The following PARP8 variants were observed in gnomAD, a reference collection of about 807,000 sequenced individuals.
PARP8 encodes the protein protein mono-ADP-ribosyltransferase PARP8.
In PARP8, 51 loss-of-function variants were observed where a neutral mutation model predicts 124.1. The observed-to-expected ratio is 0.41, with a 90% CI of 0.33 to 0.52. The LOEUF is 0.52. Ranked by LOEUF, PARP8 falls within the 20% of genes least tolerant of loss-of-function variation. PARP8 has a pLI of 0.21. For synonymous variants in PARP8, 391 were observed against 361.5 expected (o/e 1.08, Z -0.93); for missense variants, 860 against 1,018.9 (o/e 0.84, Z 2.12).
rs768072385 is a variant in PARP8 at position 50,821,266 on chromosome 5, A to T, written c.1722A>T (p.Lys574Asn). ...MCRSALESPR[K>N]VVIFEPYPSV... ...GGTCTGCGTTGGAATCTCCTAGAAAAGTTGTGATTTTCGAGCCATATCCTT... is the reference window on the plus strand; with the variant it reads ...GGTCTGCGTTGGAATCTCCTAGAAATGTTGTGATTTTCGAGCCATATCCTT... The change falls in exon 16 of 26, where the codon AAA (lysine) becomes AAT (asparagine). Residue 574 changes from lysine (K) to asparagine (N), a missense_variant. Physicochemically the swap from Lys to Asn is moderately conservative, Grantham distance 94. Transcript: ENST00000281631. 1 of 1,613,816 alleles carries T rather than the reference A, an allele frequency of 6.2e-7. No homozygotes were observed. The highest frequency in any genetic ancestry group is 8.5e-7 in the Non-Finnish European group (1 of 1,179,894).
In PARP8 at chr5:50,841,975, C is replaced by T. The variant is rs750885296; in HGVS notation, c.2472C>T (p.Asp824=). The T allele has an allele frequency of 1.9e-5, 30 of 1,590,844 alleles. No homozygotes were observed. The highest frequency in any genetic ancestry group is 4.6e-5 in the South Asian group (4 of 87,792). Residue 824 remains aspartate (D), a synonymous_variant, in exon 26 of 26, where the codon GAC becomes GAT. Transcript: ENST00000281631. ...ATGTTTTGTATTTCAGCTATGAAGA[C>T]GGCCAAGTGGGAGATGCAAATATTA... The part of the protein sequence containing the change: ...VCTRFFFVYE[D]GQVGDANINT...
intron 6 of PARP8, among the ~76,000 whole-genome samples, chr5:50,762,448 A>G (rs773247947): frequency 6.6e-6 from 1 of 152,178 alleles, no homozygotes; most frequent in Non-Finnish European, 1.5e-5. Context: ...TTTCAGGATA[A>G]TGTTAAAATT....
intron 2 of PARP8, chr5:50,738,924 C>T: frequency 1.4e-6 from 1 of 699,322 alleles, no homozygotes; most frequent in East Asian, 2.7e-5. Flanking sequence ...TAGTTTACAT[C>T]AGGGCTCTGC....
At chr5:50,802,496 A>C (rs983733246) in intron 14 of PARP8, among the ~76,000 whole-genome samples, 1 of 151,984 alleles carries the variant, frequency 6.6e-6, no homozygotes, top group Non-Finnish European at 1.5e-5. Flanking sequence ...TCTTTAAAAA[A>C]GTTTTTTGTA....
chr5:50,676,410 A>G (rs1750645362), intron 2 of PARP8, among the ~76,000 whole-genome samples: 1 of 151,908 alleles, frequency 6.6e-6, no homozygotes, highest in Non-Finnish European at 1.5e-5. Flanking sequence ...TGGTTCTCTC[A>G]CTCTCTCACT....
At chr5:50,833,876 TG>T in intron 23 of PARP8, 102 bp from the exon 24 acceptor site, 1 of 788,010 alleles carries the variant, frequency 1.3e-6, no homozygotes, top group Non-Finnish European at 2.1e-6. Context: ...TTTTTTTTTT[TG>T]ACCTGGAGCC....
intron 17 of PARP8, among the ~76,000 whole-genome samples, chr5:50,822,840 G>C (rs1197049471): frequency 6.6e-6 from 1 of 152,118 alleles, no homozygotes; most frequent in Non-Finnish European, 1.5e-5. Context: ...AAGATGCCAG[G>C]CTCCCGGAGA....
intron 7 of PARP8, among the ~76,000 whole-genome samples, chr5:50,773,480 G>T (rs899947356): frequency 6.6e-6 from 1 of 152,172 alleles, no homozygotes; most frequent in Non-Finnish European, 1.5e-5. Flanking sequence ...TCAGTTGGTT[G>T]TAAGTGTATG....
intron 10 of PARP8, among the ~76,000 whole-genome samples, chr5:50,790,832 A>G (rs1386589020): frequency 1.3e-5 from 2 of 152,148 alleles, no homozygotes; most frequent in Non-Finnish European, 2.9e-5. Context: ...TTTAGGGATA[A>G]ATATTAGCTA....
chr5:50,715,172 A>C (rs892523595), intron 2 of PARP8, among the ~76,000 whole-genome samples: 1 of 152,038 alleles, frequency 6.6e-6, no homozygotes, highest in African/African-American at 2.4e-5. Flanking sequence ...GCAAACAGTA[A>C]CGTAAATTCA....
chr5:50,823,436 A>C (rs942582393), intron 17 of PARP8, among the ~76,000 whole-genome samples: 1 of 152,204 alleles, frequency 6.6e-6, no homozygotes, highest in Non-Finnish European at 1.5e-5. Flanking sequence ...TTTAATTCAC[A>C]AATGTTATTA....
rs531251740 is a variant in PARP8, at chr5:50,830,263, A to G, written c.2233+302A>G. Among the ~76,000 whole-genome samples, 10 of 152,342 alleles carry G rather than the reference A, an allele frequency of 6.6e-5. No individual in the cohort carries two copies. The South Asian group carries it at 2.1e-3, about 32-fold the overall frequency. ...ATGCAAAGCACTATGTAGGGCACTG[A>G]GAAGTACACATACATAATATCTTTA... On this transcript the variant is annotated intron_variant, in intron 22 of 25. Transcript: ENST00000281631.
Position 50,778,055 on chromosome 5 carries a change from AT to A in PARP8, c.519-9del. Reference sequence around the variant, plus strand: ...CATTAAAATGAAAAAAACAGTGTTAATTTTTGCTTTCAGGGAATATGGAGCC... The same window carrying A: ...CATTAAAATGAAAAAAACAGTGTTAATTTTGCTTTCAGGGAATATGGAGCC... On this transcript the variant is annotated splice_polypyrimidine_tract_variant and intron_variant, in intron 7 of 25. Transcript: ENST00000281631. 1 of 1,595,224 alleles carries A rather than the reference AT, an allele frequency of 6.3e-7. No individual in the cohort carries two copies. Among genetic ancestry groups the A allele is most frequent in the Non-Finnish European group, 8.5e-7 (1 of 1,170,900 alleles).
chr5:50,832,193 A>C (rs1440359406), intron 22 of PARP8, among the ~76,000 whole-genome samples: 2 of 152,214 alleles, frequency 1.3e-5, no homozygotes, highest in African/African-American at 4.8e-5. Context: ...ACTTTCTAAT[A>C]AAGTGTAGAT....
At position 50,778,567 on chromosome 5, in the gene PARP8, T is replaced by G. The variant is rs769973696; in HGVS notation, c.587T>G (p.Ile196Ser). 6.2e-7 allele frequency: 1 copy of G among 1,606,636 alleles called. No individual in the cohort carries two copies. Among genetic ancestry groups the G allele is most frequent in the Non-Finnish European group, 8.5e-7 (1 of 1,176,556 alleles). The change falls in exon 9 of 26, where the codon ATT (isoleucine) becomes AGT (serine). Residue 196 changes from isoleucine to serine, a missense_variant. Coordinates refer to ENST00000281631, the MANE Select transcript of PARP8 (RefSeq NM_024615.4). ...TTAAATATATTTGTGCAGGAGGAGA[T>G]TGCTGTGGCTTGGGAAGTAATTCGA... ...HIDVSFLDEE[I>S]AVAWEVIRTE...
At chr5:50,821,484 T>A in intron 16 of PARP8, 146 bp downstream of exon 16, 1 of 909,892 alleles carries the variant, frequency 1.1e-6, no homozygotes, top group Admixed American at 2.7e-5. Context: ...TCATCATATA[T>A]TTTTGGGGAT....
intron 2 of PARP8, among the ~76,000 whole-genome samples, chr5:50,746,127 T>C (rs1758517518): frequency 6.6e-6 from 1 of 152,232 alleles, no homozygotes; most frequent in Non-Finnish European, 1.5e-5. Context: ...AAATATTAGC[T>C]ATCAGAGTAT....
rs540887131 is a variant in PARP8, at chr5:50,667,799, G to C, written c.92-272G>C. On this transcript the variant is annotated intron_variant, in intron 1 of 25. Coordinates refer to ENST00000281631, the MANE Select transcript of PARP8 (RefSeq NM_024615.4). The stretch of plus-strand genomic sequence containing the variant: ...ATTTTGCTTTCGCTACCGCGAGCCC[G>C]GCTGAGGCTGCTTCCGGCCTCCCCT... 6.2e-6 allele frequency: 6 copies of C among 971,372 alleles called. No homozygotes were observed. In the Admixed American group the frequency reaches 1.2e-4, roughly 20 times the overall value. The allele number at this position is 971,372 out of a possible 1,614,324, so 60.2% of individuals were successfully genotyped here.
intron 2 of PARP8, among the ~76,000 whole-genome samples, chr5:50,734,606 A>G (rs2149523743): frequency 6.6e-6 from 1 of 152,266 alleles, no homozygotes; most frequent in African/African-American, 2.4e-5. Flanking sequence ...AGAGCTATAT[A>G]ATTCTCATCT....
Sources: allele counts gnomAD v4.1 joint callset (sites outside exome capture counted in the v4.1 genomes callset), GRCh38; gene constraint gnomAD v4.1.1; transcripts MANE v1.5; gene names NCBI Gene and HGNC (gene_info 2026-07-23, HGNC 2026-07-21).